The following SHISA9 variants were observed in gnomAD, a reference collection of about 807,000 sequenced individuals.
SHISA9 encodes the protein protein shisa-9.
A neutral mutation model predicts 38.0 loss-of-function variants in SHISA9; 13 were observed. That is an observed-to-expected ratio of 0.34 (90% CI 0.22 to 0.54). The LOEUF (loss-of-function observed/expected upper bound fraction) is 0.54. SHISA9 is among the 20% of genes least tolerant of loss of function. SHISA9 has a pLI of 0.91. For missense variants in SHISA9, 538 were observed against 575.8 expected, an observed-to-expected ratio of 0.93 and a Z score of 0.67; for synonymous variants, 275 against 242.0, an observed-to-expected ratio of 1.14 and a Z score of -1.27.
chr16:13,221,960 T>C (rs1267841201), intron 4 of SHISA9, among the ~76,000 whole-genome samples: 1 of 152,196 alleles, frequency 6.6e-6, no homozygotes, highest in African/African-American at 2.4e-5. Context: ...GGGTAGTTTA[T>C]AAAGGAAAGA....
At chr16:13,464,402 A>G in the SHISA9 span, among the ~76,000 whole-genome samples, 1 of 152,126 alleles carries the variant, frequency 6.6e-6, no homozygotes, top group Non-Finnish European at 1.5e-5. Flanking sequence ...TCAGTCCAAA[A>G]CTTACAATCC....
At chr16:13,290,710 C>G in the SHISA9 span, among the ~76,000 whole-genome samples, 1 of 152,064 alleles carries the variant, frequency 6.6e-6, no homozygotes, top group East Asian at 1.9e-4. Context: ...TGGTAAAATC[C>G]TTGGGCTCCT....
chr16:13,172,367 G>A (rs1202870208), intron 2 of SHISA9, among the ~76,000 whole-genome samples: 4 of 152,176 alleles, frequency 2.6e-5, no homozygotes. Flanking sequence ...TAATTAAACA[G>A]GTGGCTTTAG....
chr16:13,335,836 G>T, the SHISA9 span, among the ~76,000 whole-genome samples: 2 of 152,162 alleles, frequency 1.3e-5, no homozygotes, highest in Non-Finnish European at 2.9e-5. Flanking sequence ...GACTATCTTG[G>T]TGCTTCTGCC....
chr16:13,138,768 A>G (rs539867214), intron 2 of SHISA9, among the ~76,000 whole-genome samples: 2 of 152,206 alleles, frequency 1.3e-5, no homozygotes, highest in East Asian at 1.9e-4. Flanking sequence ...ATTTTCCCCC[A>G]TTCATGTGAG....
At chr16:13,203,745 CTA>C (rs1472838600) in intron 3 of SHISA9, among the ~76,000 whole-genome samples, 196 bp downstream of exon 3, 1 of 152,024 alleles carries the variant, frequency 6.6e-6, no homozygotes, top group Non-Finnish European at 1.5e-5. Flanking sequence ...ATATATCTAT[CTA>C]TGTCTGTCTA....
At chr16:13,173,377 T>TACACACACACACAC (rs34832916) in intron 2 of SHISA9, among the ~76,000 whole-genome samples, 2 of 142,840 alleles carry the variant, frequency 1.4e-5, no homozygotes, top group African/African-American at 5.2e-5. Context: ...TGTGTGCATG[T>TACACACACACACAC]ACACACACAC....
chr16:12,947,267 G>A (rs1167843173), intron 2 of SHISA9, among the ~76,000 whole-genome samples: 1 of 152,174 alleles, frequency 6.6e-6, no homozygotes, highest in Non-Finnish European at 1.5e-5. Context: ...AGCGTGATAA[G>A]GTACAGATCC....
intron 2 of SHISA9, among the ~76,000 whole-genome samples, chr16:13,178,448 A>G (rs969227277): frequency 1.3e-5 from 2 of 151,958 alleles, no homozygotes; most frequent in African/African-American, 4.8e-5. Flanking sequence ...CACGTTTTAC[A>G]AGTTGCTTCT....
the SHISA9 span, among the ~76,000 whole-genome samples, chr16:13,552,635 C>T: frequency 2.9e-3 from 436 of 152,254 alleles, 3 homozygotes; most frequent in African/African-American, 9.7e-3. Flanking sequence ...CAACGGATGA[C>T]GCTGCTATTT....
chr16:13,304,332 C>G, the SHISA9 span, among the ~76,000 whole-genome samples: 2 of 152,226 alleles, frequency 1.3e-5, no homozygotes, highest in Admixed American at 1.3e-4. Context: ...GATCACGGCT[C>G]ACCGTGGCCT....
At chr16:13,154,590 GA>G (rs1479264075) in intron 2 of SHISA9, among the ~76,000 whole-genome samples, 2 of 152,208 alleles carry the variant, frequency 1.3e-5, no homozygotes, top group African/African-American at 4.8e-5. Context: ...AATCATGAGT[GA>G]GCAATACAAC....
At chr16:13,468,277 T>C in the SHISA9 span, among the ~76,000 whole-genome samples, 1 of 152,212 alleles carries the variant, frequency 6.6e-6, no homozygotes, top group Non-Finnish European at 1.5e-5. Flanking sequence ...AACTATTGAC[T>C]GAGTTCTGGA....
At chr16:13,256,101 A>C in the SHISA9 span, among the ~76,000 whole-genome samples, 1 of 152,150 alleles carries the variant, frequency 6.6e-6, no homozygotes, top group Non-Finnish European at 1.5e-5. Context: ...TGCTGTTTCT[A>C]CCACCTGGCC....
At chr16:13,160,583 C>T (rs1033682877) in intron 2 of SHISA9, among the ~76,000 whole-genome samples, 1 of 152,170 alleles carries the variant, frequency 6.6e-6, no homozygotes, top group Non-Finnish European at 1.5e-5. Flanking sequence ...CACGTTTTGT[C>T]AATGCAGTCA....
chr16:13,536,295 C>A, the SHISA9 span, among the ~76,000 whole-genome samples: 3 of 152,182 alleles, frequency 2.0e-5, no homozygotes, highest in Non-Finnish European at 4.4e-5. Flanking sequence ...CCGTACCTGG[C>A]CTGCGTTTGT....
chr16:13,380,092 A>G, the SHISA9 span, among the ~76,000 whole-genome samples: 1 of 152,196 alleles, frequency 6.6e-6, no homozygotes, highest in African/African-American at 2.4e-5. Context: ...GATACAGAAC[A>G]CAGAGATACA....
rs369926893 is a variant in SHISA9 at position 13,091,806 on chromosome 16, C to A, written c.692-111588C>A. Among the ~76,000 whole-genome samples, 41 of 152,334 alleles carry A rather than the reference C, an allele frequency of 2.7e-4. 2 individuals are homozygous for A. The South Asian group carries it at 7.5e-3, about 28-fold the overall frequency. ...ACCTTCTGAAGCCTACTTCTGTCAA[C>A]TTGTCAAAGTCATTCTCCATCCAGC... On this transcript the variant is annotated intron_variant, in intron 2 of 4. Coordinates refer to ENST00000558583, the MANE Select transcript of SHISA9 (RefSeq NM_001145204.3).
intron 2 of SHISA9, among the ~76,000 whole-genome samples, chr16:12,980,825 C>G (rs936717822): frequency 1.3e-5 from 2 of 151,818 alleles, no homozygotes; most frequent in Admixed American, 6.6e-5. Flanking sequence ...TAGCTGTATC[C>G]ATTTTGTGTC....
Sources: gnomAD v4.1 joint callset for allele counts (sites outside exome capture counted in the v4.1 genomes callset) on GRCh38, gnomAD v4.1.1 for gene constraint, MANE v1.5 for transcripts, NCBI Gene and HGNC (gene_info 2026-07-23, HGNC 2026-07-21) for gene names.